NDRG1: variants seen among roughly 807,000 people sequenced by gnomAD.
NDRG1 encodes N-myc downstream regulated 1.
Under a neutral mutation model 56.9 loss-of-function variants are expected in NDRG1, and 32 were observed. That is an observed-to-expected ratio of 0.56 (90% confidence interval 0.42 to 0.76). The LOEUF (loss-of-function observed/expected upper bound fraction) is 0.76, where lower values mean the gene tolerates loss of function less well. Ranked by LOEUF, NDRG1 falls within the 30% of genes least tolerant of loss-of-function variation. The pLI, the probability that NDRG1 is intolerant of heterozygous loss-of-function variation, is 0.00. For missense variants in NDRG1, 507 were observed against 545.7 expected (o/e 0.93, Z 0.71); for synonymous variants, 211 against 204.1 (o/e 1.03, Z -0.29).
chr8:133,284,811 G>A, intron 1 of NDRG1: 1 of 457,026 alleles, frequency 2.2e-6, no homozygotes, highest in Non-Finnish European at 4.4e-6. Flanking sequence ...ACAGAAGGTT[G>A]GTGATGCAGA....
At chr8:133,269,074 G>A (rs996948603) in intron 3 of NDRG1, among the ~76,000 whole-genome samples, 2 of 152,220 alleles carry the variant, frequency 1.3e-5, no homozygotes, top group African/African-American at 4.8e-5. Context: ...TCTGGAGAGA[G>A]GAACCCATCC....
intron 1 of NDRG1, chr8:133,284,751 G>A: frequency 2.2e-6 from 1 of 459,760 alleles, no homozygotes; most frequent in South Asian, 1.5e-5. Flanking sequence ...CTCACACGAT[G>A]CTTACCACGT....
At chr8:133,280,870 T>TG (rs1173310906) in intron 2 of NDRG1, 1 of 153,198 alleles carries the variant, frequency 6.5e-6, no homozygotes, top group East Asian at 1.9e-4. Flanking sequence ...GATACAGAAA[T>TG]GTGATATCTG....
chr8:133,254,132 G>A (rs1380658426), intron 9 of NDRG1, among the ~76,000 whole-genome samples: 1 of 151,870 alleles, frequency 6.6e-6, no homozygotes, highest in Non-Finnish European at 1.5e-5. Flanking sequence ...AAAATTCTAG[G>A]AATTGCAAAG....
Position 133,238,815 on chromosome 8 carries a change from G to T in NDRG1, c.*63C>A. The T allele has an allele frequency of 6.6e-7, 1 of 1,512,100 alleles. No individual in the cohort carries two copies. The allele number at this position is 1,512,100 out of a possible 1,614,324, so 93.7% of individuals were successfully genotyped here. A position where few individuals can be genotyped will look rare whatever the true frequency, so the allele number is the denominator to read the frequency against. On this transcript the variant is annotated 3_prime_UTR_variant, in exon 16 of 16. Transcript: ENST00000323851. ...AGTATGGCAGGCAGGGGGCGAAAAG[G>T]GGCCGGGGAGGAGGGGGCCACTACA...
At chr8:133,284,104 GT>G (rs775194718) in intron 2 of NDRG1, 144 bp downstream of exon 2, 314 of 756,164 alleles carry the variant, frequency 4.2e-4, no homozygotes, top group Non-Finnish European at 6.7e-4. Context: ...TGTGCAGCAT[GT>G]TTGTATGCCG....
At chr8:133,244,424 C>G (rs373741459) in intron 13 of NDRG1, 34 bp from the exon 14 acceptor site, 2 of 1,613,892 alleles carry the variant, frequency 1.2e-6, no homozygotes, top group Non-Finnish European at 1.7e-6. Context: ...GTGCCAAACA[C>G]CACAGCCAAG....
In NDRG1 at chr8:133,247,926, C is replaced by T. The variant is rs762417501; in HGVS notation, c.756G>A (p.Gln252=). The T allele has an allele frequency of 1.2e-6, 2 of 1,614,012 alleles. No individual in the cohort carries two copies. The highest frequency in any genetic ancestry group is 1.7e-6 in the Non-Finnish European group (2 of 1,179,992). ...CCCCAACCACCAACAGAGCAGGGCA[C>T]CTGGGGTCAGGGATAGAGCAGAGAA... ...PMPGTHTVTL[Q]CPALLVVGDS... The change falls in exon 12 of 16, where the codon CAG becomes CAA. Residue 252 remains glutamine, a splice_region_variant and synonymous_variant. Coordinates refer to ENST00000323851, the MANE Select transcript of NDRG1 (RefSeq NM_006096.4).
intron 1 of NDRG1, chr8:133,296,887 G>A (rs551331976): frequency 4.7e-6 from 1 of 215,014 alleles, no homozygotes; most frequent in African/African-American, 2.3e-5. Context: ...CCCCAGCTAG[G>A]GGGGAGATGA....
At chr8:133,260,052 G>A in intron 5 of NDRG1, among the ~76,000 whole-genome samples, 1 of 152,192 alleles carries the variant, frequency 6.6e-6, no homozygotes, top group African/African-American at 2.4e-5. Context: ...GGGCAGAAGT[G>A]CGGCAAAGAC....
chr8:133,263,929 AAAAG>A (rs1265382243), intron 4 of NDRG1, among the ~76,000 whole-genome samples: 8 of 151,870 alleles, frequency 5.3e-5, no homozygotes, highest in Non-Finnish European at 7.4e-5. Flanking sequence ...AAAAAAAAAA[AAAAG>A]AAAGAAAGAA....
At chr8:133,295,083 G>T (rs1858671161) in intron 1 of NDRG1, among the ~76,000 whole-genome samples, 1 of 152,160 alleles carries the variant, frequency 6.6e-6, no homozygotes, top group South Asian at 2.1e-4. Context: ...AAACTTTGTT[G>T]CTCCAAAAGA....
chr8:133,285,921 G>A (rs1414070445), intron 1 of NDRG1, among the ~76,000 whole-genome samples: 4 of 152,176 alleles, frequency 2.6e-5, no homozygotes, highest in Non-Finnish European at 4.4e-5. Flanking sequence ...GGGACACCTC[G>A]CCTACATGGC....
intron 15 of NDRG1, chr8:133,239,949 T>G (rs949838830): frequency 6.6e-6 from 1 of 152,184 alleles, no homozygotes; most frequent in African/African-American, 2.4e-5. Context: ...GACTGTGATG[T>G]CCTTATAGAA....
chr8:133,255,825 A>G (rs1203893077), intron 8 of NDRG1: 2 of 161,756 alleles, frequency 1.2e-5, no homozygotes, highest in Non-Finnish European at 2.7e-5. Flanking sequence ...TCAGCTTGAA[A>G]GACTCTGTCC....
In NDRG1 at chr8:133,237,289, G is replaced by A. The variant is rs768209217; in HGVS notation, c.*1589C>T. 4 of 231,128 alleles carry A rather than the reference G, an allele frequency of 1.7e-5. No individual in the cohort carries two copies. Among genetic ancestry groups the A allele is most frequent in the Non-Finnish European group, 2.6e-5 (3 of 116,844 alleles). The allele number at this position is 231,128 out of a possible 1,614,324, so 14.3% of individuals were successfully genotyped here. ...ATCCGTACTCAGCCTCTCTTGCCCC[G>A]ATCCCCGACTTTTCTACTCAAGGCC... On this transcript the variant is annotated 3_prime_UTR_variant, in exon 16 of 16. Transcript: ENST00000323851.
At chr8:133,248,036 T>A (rs1586416139) in intron 11 of NDRG1, 110 bp from the exon 12 acceptor site, 1 of 1,034,110 alleles carries the variant, frequency 9.7e-7, no homozygotes, top group East Asian at 2.4e-5. Context: ...TCATTTTGGT[T>A]TCCCCAACAC....
chr8:133,281,528 G>A (rs751977297), intron 2 of NDRG1, among the ~76,000 whole-genome samples: 1 of 152,118 alleles, frequency 6.6e-6, no homozygotes, highest in Non-Finnish European at 1.5e-5. Context: ...ATTTCTAAGA[G>A]ATGTTGCTGG....
intron 3 of NDRG1, among the ~76,000 whole-genome samples, chr8:133,279,810 T>C (rs900277653): frequency 8.5e-5 from 13 of 152,294 alleles, no homozygotes; most frequent in African/African-American, 2.9e-4. Context: ...TGAGTGGGAA[T>C]GGAGATACTT....
Sources: allele counts gnomAD v4.1 joint callset (sites outside exome capture counted in the v4.1 genomes callset), GRCh38; gene constraint gnomAD v4.1.1; transcripts MANE v1.5; gene names NCBI Gene and HGNC (gene_info 2026-07-23, HGNC 2026-07-21).